CDH13: variants seen among roughly 807,000 people sequenced by gnomAD.
CDH13 encodes the protein cadherin 13.
A neutral mutation model predicts 63.8 loss-of-function variants in CDH13; 24 were observed. The ratio of observed to expected loss-of-function variants is 0.38; its 90% CI spans 0.27 to 0.53. The LOEUF (loss-of-function observed/expected upper bound fraction) is 0.53, where lower values mean the gene tolerates loss of function less well. Among genes scored for constraint, CDH13 ranks in the 20% least tolerant of loss-of-function variants. The probability of loss-of-function intolerance (pLI) is 0.85; values close to 1 mark genes in which losing one functional copy is unlikely to be tolerated. For missense variants in CDH13, 1,049 were observed against 903.1 expected, an observed-to-expected ratio of 1.16 and a Z score of -2.07; for synonymous variants, 503 against 355.3, an observed-to-expected ratio of 1.42 and a Z score of -4.67.
At chr16:83,011,150 G>A (rs1241161143) in intron 2 of CDH13, among the ~76,000 whole-genome samples, 1 of 152,218 alleles carries the variant, frequency 6.6e-6, no homozygotes, top group Admixed American at 6.5e-5. Flanking sequence ...AAGTAGTAAG[G>A]GGTGTGAGCT....
intron 5 of CDH13, among the ~76,000 whole-genome samples, chr16:83,229,930 T>A (rs2039955668): frequency 1.3e-5 from 2 of 152,194 alleles, no homozygotes; most frequent in African/African-American, 2.4e-5. Flanking sequence ...AAATGATGGC[T>A]TAGCATGTAA....
chr16:82,973,464 A>C (rs1057294293), intron 2 of CDH13, among the ~76,000 whole-genome samples: 11 of 152,222 alleles, frequency 7.2e-5, no homozygotes, highest in African/African-American at 2.7e-4. Flanking sequence ...AATTTAACAA[A>C]ACACATATTA....
chr16:83,366,653 CT>C lies in CDH13; in HGVS notation c.781+21648del, dbSNP rs544603105. Among the ~76,000 whole-genome samples, 59 of 152,272 alleles carry C rather than the reference CT, an allele frequency of 3.9e-4. No individual in the cohort carries two copies. The South Asian group carries it at 0.012, about 30-fold the overall frequency. On this transcript the variant is annotated intron_variant, in intron 6 of 13. Transcript: ENST00000567109. ...TTTTCGATATTCTCCAGATAGTCTCCTGACACCTACACCTAGAACACATGTG... is the reference window on the plus strand; with the variant it reads ...TTTTCGATATTCTCCAGATAGTCTCCGACACCTACACCTAGAACACATGTG...
chr16:83,311,093 C>T lies in CDH13; in HGVS notation c.637-33769C>T, dbSNP rs139345383. Among the ~76,000 whole-genome samples the T allele has an allele frequency of 4.5e-4, 68 of 152,316 alleles. No individual in the cohort carries two copies. The East Asian group carries it at 0.011, about 25-fold the overall frequency. On this transcript the variant is annotated intron_variant, in intron 5 of 13. Transcript: ENST00000567109. Reference sequence around the variant, plus strand: ...TTTTACTGCTCTCCTGCTCCTCTGACGTCTCGGTTCTGTTCTTCAAAACTC... The same window carrying T: ...TTTTACTGCTCTCCTGCTCCTCTGATGTCTCGGTTCTGTTCTTCAAAACTC...
chr16:83,003,765 G>T (rs1261774706), intron 2 of CDH13, among the ~76,000 whole-genome samples: 1 of 152,178 alleles, frequency 6.6e-6, no homozygotes, highest in Non-Finnish European at 1.5e-5. Flanking sequence ...CCATTCAAAG[G>T]TTCCTTAGAA....
intron 5 of CDH13, among the ~76,000 whole-genome samples, chr16:83,324,287 G>T (rs534175806): frequency 6.6e-6 from 1 of 151,940 alleles, no homozygotes; most frequent in African/African-American, 2.4e-5. Flanking sequence ...CACCCGCCTC[G>T]GCCTTGCAAA....
intron 4 of CDH13, among the ~76,000 whole-genome samples, chr16:83,138,064 C>T (rs906607329): frequency 3.3e-5 from 5 of 151,938 alleles, no homozygotes; most frequent in Admixed American, 1.3e-4. Flanking sequence ...GACAGAAGAA[C>T]GCTTGAATGT....
chr16:83,126,596 T>C (rs2035821999), intron 4 of CDH13, among the ~76,000 whole-genome samples: 1 of 152,086 alleles, frequency 6.6e-6, no homozygotes, highest in Non-Finnish European at 1.5e-5. Flanking sequence ...TGGGAGAAGT[T>C]GTTTATAGAG....
At chr16:83,554,861 C>G (rs2075572245) in intron 7 of CDH13, among the ~76,000 whole-genome samples, 1 of 151,682 alleles carries the variant, frequency 6.6e-6, no homozygotes. Flanking sequence ...CCTCCCTGCA[C>G]ACACATACAA....
At chr16:82,891,745 T>C (rs1425456561) in intron 2 of CDH13, among the ~76,000 whole-genome samples, 1 of 152,202 alleles carries the variant, frequency 6.6e-6, no homozygotes, top group Non-Finnish European at 1.5e-5. Flanking sequence ...CATCACACTT[T>C]GGGTTTCCAT....
rs554846422 is a variant in CDH13, at chr16:83,764,105, T to A, written c.1681+15855T>A. On this transcript the variant is annotated intron_variant, in intron 11 of 13. Coordinates refer to ENST00000567109, the MANE Select transcript of CDH13 (RefSeq NM_001257.5). ...TACTCCTAAGCATATAAGAAATGCT[T>A]AAGTGAACTGACTTGAACTGAGTCA... 3.9e-5 allele frequency among the ~76,000 whole-genome samples: 6 copies of A among 152,316 alleles called. No homozygotes were observed. The South Asian group carries it at 1.2e-3, about 32-fold the overall frequency.
chr16:82,762,582 C>T lies in CDH13; in HGVS notation c.46-95780C>T, dbSNP rs566504104. Among the ~76,000 whole-genome samples the T allele has an allele frequency of 3.3e-5, 5 of 152,316 alleles. No homozygotes were observed. In the South Asian group the frequency reaches 1.0e-3, roughly 32 times the overall value. On this transcript the variant is annotated intron_variant, in intron 1 of 13. Transcript: ENST00000567109. ...CAGCTTTGCTTCTTGATCTGCACTT[C>T]TCCCCATCTTGGTGTTCTTGGTGAT...
intron 5 of CDH13, among the ~76,000 whole-genome samples, chr16:83,331,221 A>G (rs2090474061): frequency 1.3e-5 from 2 of 152,176 alleles, no homozygotes. Flanking sequence ...TATGTGTGAG[A>G]TTAAAAGTGA....
At chr16:83,416,451 A>G (rs2071552503) in intron 6 of CDH13, among the ~76,000 whole-genome samples, 1 of 152,186 alleles carries the variant, frequency 6.6e-6, no homozygotes, top group South Asian at 2.1e-4. Context: ...CTGTGACTAT[A>G]TCTGTTTCTC....
intron 1 of CDH13, among the ~76,000 whole-genome samples, chr16:82,729,650 T>C (rs923076113): frequency 6.6e-6 from 1 of 152,190 alleles, no homozygotes; most frequent in Admixed American, 6.5e-5. Context: ...GAATGGTCAA[T>C]GAGCATTGGC....
At chr16:82,795,467 G>C (rs184193925) in intron 1 of CDH13, among the ~76,000 whole-genome samples, 1 of 152,326 alleles carries the variant, frequency 6.6e-6, no homozygotes, top group East Asian at 1.9e-4. Context: ...TTATGTAACA[G>C]TGACAACTAA....
At position 82,712,834 on chromosome 16, in the gene CDH13, G is replaced by C. The variant is rs554943227; in HGVS notation, c.45+85697G>C. ...GGGTTCCAGCTTTTCTCCACCATCAGCTTCTCCCCTAGGGCTCTTATTAAC... is the reference window on the plus strand; with the variant it reads ...GGGTTCCAGCTTTTCTCCACCATCACCTTCTCCCCTAGGGCTCTTATTAAC... On this transcript the variant is annotated intron_variant, in intron 1 of 13. Transcript: ENST00000567109. Among the ~76,000 whole-genome samples the C allele has an allele frequency of 2.6e-5, 4 of 152,136 alleles. No homozygotes were observed. In the East Asian group the frequency reaches 5.8e-4, roughly 22 times the overall value.
At chr16:83,451,991 C>T (rs1416554146) in intron 6 of CDH13, among the ~76,000 whole-genome samples, 2 of 152,102 alleles carry the variant, frequency 1.3e-5, no homozygotes, top group Non-Finnish European at 2.9e-5. Context: ...TCCTGTGGAC[C>T]CATGAGTGTC....
At chr16:82,825,395 C>T (rs948840101) in intron 1 of CDH13, 3 of 152,080 alleles carry the variant, frequency 2.0e-5, no homozygotes, top group South Asian at 2.1e-4. Flanking sequence ...GCCTCACTTT[C>T]TAGTAGCAAA....
Sources: gnomAD v4.1 joint callset for allele counts (sites outside exome capture counted in the v4.1 genomes callset) on GRCh38, gnomAD v4.1.1 for gene constraint, MANE v1.5 for transcripts, NCBI Gene and HGNC (gene_info 2026-07-23, HGNC 2026-07-21) for gene names.